The following EFL1 variants were observed in gnomAD, a reference collection of about 807,000 sequenced individuals.
EFL1 encodes the protein elongation factor-like GTPase 1.
A neutral mutation model predicts 126.7 loss-of-function variants in EFL1; 76 were observed. That is an observed-to-expected ratio of 0.60 (90% CI 0.50 to 0.73). The LOEUF (loss-of-function observed/expected upper bound fraction) is 0.73, where lower values mean the gene tolerates loss of function less well. Ranked by LOEUF, EFL1 falls within the 30% of genes least tolerant of loss-of-function variation. The probability of loss-of-function intolerance (pLI) is 0.00; values close to 1 mark genes in which losing one functional copy is unlikely to be tolerated. For missense variants in EFL1, 1,128 were observed against 1,343.2 expected (o/e 0.84, Z 2.50); for synonymous variants, 410 against 448.4 (o/e 0.91, Z 1.08).
chr15:82,133,898 G>C (rs1462917452), intron 19 of EFL1, among the ~76,000 whole-genome samples: 1 of 152,176 alleles, frequency 6.6e-6, no homozygotes, highest in Non-Finnish European at 1.5e-5. Flanking sequence ...AACCCAGAGA[G>C]TGAGGAGTCG....
Position 82,229,130 on chromosome 15 carries a change from G to A in EFL1, c.856-20C>T. On this transcript the variant is annotated intron_variant, in intron 8 of 19. Transcript: ENST00000268206. The stretch of plus-strand genomic sequence containing the variant: ...TTTGGCCTGTACAAAAGAACATACG[G>A]GCTTAAGTTCCTGAACATTTAATAG... The A allele has an allele frequency of 6.3e-7, 1 of 1,586,194 alleles. No homozygotes were observed. Among genetic ancestry groups the A allele is most frequent in the Non-Finnish European group, 8.6e-7 (1 of 1,167,718 alleles).
intron 7 of EFL1, among the ~76,000 whole-genome samples, chr15:82,231,682 C>T (rs2074823792): frequency 8.0e-6 from 1 of 125,570 alleles, no homozygotes; most frequent in Non-Finnish European, 1.8e-5. Flanking sequence ...AAAGGATATC[C>T]CCAGTTTTTT....
At chr15:82,143,594 TTCAA>T (rs2141218793) in intron 18 of EFL1, among the ~76,000 whole-genome samples, 1 of 152,336 alleles carries the variant, frequency 6.6e-6, no homozygotes, top group African/African-American at 2.4e-5. Flanking sequence ...ACAGATGGGC[TTCAA>T]TCAAATAGGA....
At chr15:82,244,447 G>C (rs772214154) in intron 4 of EFL1, among the ~76,000 whole-genome samples, 15 of 152,064 alleles carry the variant, frequency 9.9e-5, no homozygotes, top group African/African-American at 3.1e-4. Context: ...TGATCTTTCC[G>C]ATTTGTAACA....
intron 14 of EFL1, among the ~76,000 whole-genome samples, chr15:82,217,373 GAAAAA>G: frequency 1.5e-3 from 42 of 27,154 alleles, no homozygotes; most frequent in Admixed American, 3.8e-3. Flanking sequence ...GATTAGATTT[GAAAAA>G]AAAAAAAAAA....
chr15:82,252,247 T>C (rs1183779697), intron 4 of EFL1, among the ~76,000 whole-genome samples: 1 of 152,258 alleles, frequency 6.6e-6, no homozygotes, highest in Non-Finnish European at 1.5e-5. Flanking sequence ...TATACTTACA[T>C]GACTATTTCT....
chr15:82,186,152 A>C (rs2074301302), intron 15 of EFL1, among the ~76,000 whole-genome samples: 1 of 152,168 alleles, frequency 6.6e-6, no homozygotes, highest in Admixed American at 6.6e-5. Context: ...TTTCTTACCA[A>C]ATAATAAAAG....
intron 11 of EFL1, among the ~76,000 whole-genome samples, chr15:82,225,571 G>C (rs977184116): frequency 3.3e-5 from 5 of 152,172 alleles, no homozygotes; most frequent in Non-Finnish European, 7.4e-5. Flanking sequence ...CCTACCATAA[G>C]CACTAATACA....
chr15:82,132,721 A>G (rs1047403203), intron 19 of EFL1, among the ~76,000 whole-genome samples: 2 of 146,570 alleles, frequency 1.4e-5, no homozygotes, highest in Non-Finnish European at 3.0e-5. Context: ...GACAAGGGCG[A>G]ATGGATGGAA....
chr15:82,186,940 A>G (rs2074310254), intron 15 of EFL1, among the ~76,000 whole-genome samples: 2 of 152,106 alleles, frequency 1.3e-5, no homozygotes, highest in Non-Finnish European at 2.9e-5. Flanking sequence ...GCACTCCCTC[A>G]CTGGAACCTC....
chr15:82,210,862 CAAAAAAA>C (rs76409669), intron 15 of EFL1, among the ~76,000 whole-genome samples: 1 of 109,262 alleles, frequency 9.2e-6, no homozygotes, highest in South Asian at 2.8e-4. Context: ...AACTCCATTA[CAAAAAAA>C]AAAAAAAAAA....
At chr15:82,207,685 T>C (rs1211279528) in intron 15 of EFL1, among the ~76,000 whole-genome samples, 5 of 151,936 alleles carry the variant, frequency 3.3e-5, no homozygotes, top group Non-Finnish European at 5.9e-5. Flanking sequence ...ATTTAGCTTA[T>C]CTGCATTTTC....
At chr15:82,212,979 C>A (rs74030946) in intron 15 of EFL1, among the ~76,000 whole-genome samples, 1 of 152,168 alleles carries the variant, frequency 6.6e-6, no homozygotes, top group Non-Finnish European at 1.5e-5. Flanking sequence ...CTTGCTTCTA[C>A]GGGGACAAAA....
chr15:82,219,611 C>G lies in EFL1; in HGVS notation c.1611+41G>C, dbSNP rs1227898824. ...ACAAAATGTGAAAAGATATCAGACCCTCGAGAAACAATATATAAATATTTT... is the reference window on the plus strand; with the variant it reads ...ACAAAATGTGAAAAGATATCAGACCGTCGAGAAACAATATATAAATATTTT... On this transcript the variant is annotated intron_variant, in intron 14 of 19. Coordinates refer to ENST00000268206, the MANE Select transcript of EFL1 (RefSeq NM_024580.6). 3 of 1,568,628 alleles carry G rather than the reference C, an allele frequency of 1.9e-6. No individual in the cohort carries two copies. The South Asian group carries it at 3.6e-5, about 19-fold the overall frequency.
chr15:82,193,083 G>A (rs935403213), intron 15 of EFL1, among the ~76,000 whole-genome samples: 3 of 152,244 alleles, frequency 2.0e-5, no homozygotes, highest in African/African-American at 7.2e-5. Flanking sequence ...ATAAAAATGT[G>A]CCAGCTAAAT....
At chr15:82,182,686 G>A (rs1034724033) in intron 15 of EFL1, among the ~76,000 whole-genome samples, 6 of 152,014 alleles carry the variant, frequency 3.9e-5, no homozygotes, top group African/African-American at 7.2e-5. Flanking sequence ...TTAGCCGGGC[G>A]TGGTGGTGGG....
At chr15:82,251,785 A>G (rs890430727) in intron 4 of EFL1, among the ~76,000 whole-genome samples, 22 of 152,328 alleles carry the variant, frequency 1.4e-4, no homozygotes, top group African/African-American at 5.1e-4. Context: ...TGAAGGATGA[A>G]CCACATGTAA....
At chr15:82,196,981 G>A (rs975569537) in intron 15 of EFL1, among the ~76,000 whole-genome samples, 2 of 150,726 alleles carry the variant, frequency 1.3e-5, no homozygotes, top group African/African-American at 4.9e-5. Flanking sequence ...GCAGTGAGCC[G>A]AGATTGCACC....
At chr15:82,223,984 G>A (rs1038673318) in intron 12 of EFL1, among the ~76,000 whole-genome samples, 3 of 152,226 alleles carry the variant, frequency 2.0e-5, no homozygotes, top group Admixed American at 6.5e-5. Flanking sequence ...AAAAAACAAA[G>A]CATAACCTTT....
Sources: allele counts gnomAD v4.1 joint callset (sites outside exome capture counted in the v4.1 genomes callset), GRCh38; gene constraint gnomAD v4.1.1; transcripts MANE v1.5; gene names NCBI Gene and HGNC (gene_info 2026-07-23, HGNC 2026-07-21).